The following MYO9A variants were observed in gnomAD, a reference collection of about 807,000 sequenced individuals.
MYO9A encodes the protein myosin IXA, also known as unconventional myosin-IXa.
MYO9A carries 103 observed loss-of-function variants against 293.3 expected under a neutral mutation model. That is an observed-to-expected ratio of 0.35 (90% confidence interval 0.30 to 0.41). MYO9A has a LOEUF of 0.41. Ranked by LOEUF, MYO9A falls within the 10% of genes least tolerant of loss-of-function variation. MYO9A has a pLI of 1.00. For synonymous variants in MYO9A, 1,001 were observed against 1,035.7 expected, an observed-to-expected ratio of 0.97 and a Z score of 0.64; for missense variants, 2,685 against 3,033.0, an observed-to-expected ratio of 0.89 and a Z score of 2.69.
chr15:72,091,441 G>A (rs913732607), intron 1 of MYO9A, among the ~76,000 whole-genome samples: 5 of 151,942 alleles, frequency 3.3e-5, no homozygotes, highest in African/African-American at 1.2e-4. Context: ...GGCTAAAACA[G>A]TAGAAATCCT....
At chr15:71,972,781 G>A (rs1281423478) in intron 12 of MYO9A, among the ~76,000 whole-genome samples, 2 of 152,148 alleles carry the variant, frequency 1.3e-5, no homozygotes, top group African/African-American at 4.8e-5. Flanking sequence ...GGTAGAAGAT[G>A]AGAAACCTTT....
chr15:72,014,837 T>C (rs921042073), intron 6 of MYO9A, among the ~76,000 whole-genome samples: 1 of 151,672 alleles, frequency 6.6e-6, no homozygotes, highest in African/African-American at 2.4e-5. Context: ...AAGAGGATGT[T>C]AAGTGCTTTT....
chr15:71,881,527 A>G (rs537269566), intron 28 of MYO9A, among the ~76,000 whole-genome samples: 22 of 152,204 alleles, frequency 1.4e-4, no homozygotes, highest in Non-Finnish European at 3.1e-4. Context: ...ATTCAAACAT[A>G]TATCAACTGA....
In MYO9A at chr15:71,888,096, T is replaced by G; in HGVS notation, c.5163A>C (p.Ser1721=). 2 of 1,606,110 alleles carry G rather than the reference T, an allele frequency of 1.2e-6. No individual in the cohort carries two copies. The highest frequency in any genetic ancestry group is 1.7e-6 in the Non-Finnish European group (2 of 1,175,112). The change falls in exon 27 of 42, where the codon TCA becomes TCC. Residue 1721 remains serine, a synonymous_variant. Coordinates refer to ENST00000356056, the MANE Select transcript of MYO9A (RefSeq NM_006901.4). The part of the protein sequence containing the change: ...GQRETSQRFS[S]VDEQAKLHKT... ...TATGAAGTTTTGCTTGTTCATCAAC[T>G]GACGAAAATCGCTGTGATGTCTGTA...
At chr15:71,925,622 A>C (rs1449812164) in intron 18 of MYO9A, among the ~76,000 whole-genome samples, 2 of 152,102 alleles carry the variant, frequency 1.3e-5, no homozygotes, top group Non-Finnish European at 2.9e-5. Flanking sequence ...ATAATGGACT[A>C]TTTTAAACAG....
intron 39 of MYO9A, among the ~76,000 whole-genome samples, chr15:71,832,731 G>C (rs774091263): frequency 3.9e-4 from 59 of 152,154 alleles, no homozygotes; most frequent in Non-Finnish European, 5.9e-4. Context: ...AAAAGTTAGA[G>C]GTGTGAGAAA....
intron 39 of MYO9A, among the ~76,000 whole-genome samples, chr15:71,839,874 G>A (rs895463436): frequency 6.6e-6 from 1 of 151,834 alleles, no homozygotes; most frequent in Non-Finnish European, 1.5e-5. Context: ...ATGAATTTTA[G>A]TATCAACTTG....
At chr15:71,965,687 C>T (rs1380588787) in intron 13 of MYO9A, among the ~76,000 whole-genome samples, 3 of 152,110 alleles carry the variant, frequency 2.0e-5, no homozygotes, top group Admixed American at 6.6e-5. Context: ...TGCAGTGAGT[C>T]GAGATCACAC....
At chr15:72,012,981 A>G (rs1485243777) in intron 6 of MYO9A, among the ~76,000 whole-genome samples, 1 of 152,230 alleles carries the variant, frequency 6.6e-6, no homozygotes, top group Non-Finnish European at 1.5e-5. Context: ...AATGTGTATT[A>G]ATTTCCTTCT....
At chr15:72,117,074 G>A (rs1325247882) in intron 1 of MYO9A, 2 of 152,292 alleles carry the variant, frequency 1.3e-5, no homozygotes, top group African/African-American at 4.8e-5. Flanking sequence ...TTTGCTTGAG[G>A]AGAGGTCTGT....
chr15:71,898,108 C>A lies in MYO9A; in HGVS notation c.4395G>T (p.Arg1465Ser), dbSNP rs1328263822. ...LTLDINRETR[R>S]YHCSGKDQIV... ...TCTGATCTTTTCCTGAGCAGTGATACCTTCTAGTTTCCCTGTTGATATCCA... is the reference window on the plus strand; with the variant it reads ...TCTGATCTTTTCCTGAGCAGTGATAACTTCTAGTTTCCCTGTTGATATCCA... The change falls in exon 25 of 42, where the codon AGG (arginine) becomes AGT (serine). Residue 1465 changes from arginine to serine, a missense_variant. Physicochemically the swap from Arg to Ser is moderately radical, Grantham distance 110. This residue lies in a region of MYO9A where 1,434 missense variants were observed against 1,497.7 expected (regional missense o/e 0.96). Transcript: ENST00000356056. 6.2e-7 allele frequency: 1 copy of A among 1,614,106 alleles called. No homozygotes were observed. Among genetic ancestry groups the A allele is most frequent in the Admixed American group, 1.7e-5 (1 of 60,002 alleles).
At chr15:72,103,117 G>C (rs1254637870) in intron 1 of MYO9A, among the ~76,000 whole-genome samples, 1 of 147,860 alleles carries the variant, frequency 6.8e-6, no homozygotes, top group East Asian at 2.1e-4. Flanking sequence ...AATCACTTGA[G>C]CCTGGCAGGC....
chr15:72,113,114 A>G (rs1358666563), intron 1 of MYO9A, among the ~76,000 whole-genome samples: 1 of 152,156 alleles, frequency 6.6e-6, no homozygotes. Context: ...TTGTTTTACT[A>G]AAAAGCACTG....
chr15:71,907,946 T>TA lies in MYO9A; in HGVS notation c.2686-2941dup, dbSNP rs561318010. On this transcript the variant is annotated intron_variant, in intron 19 of 41. Coordinates refer to ENST00000356056, the MANE Select transcript of MYO9A (RefSeq NM_006901.4). ...TCTGTTGTGCAGAAGCTCTTTAGTT[T>TA]AATTAGATCCCATTTGTCAATTTTG... 5.6e-3 allele frequency among the ~76,000 whole-genome samples: 856 copies of TA among 152,328 alleles called. 12 individuals are homozygous for TA. The highest frequency in any genetic ancestry group is 0.02 in the African/African-American group (811 of 41,578).
chr15:72,057,554 T>C (rs2078756465), intron 1 of MYO9A, among the ~76,000 whole-genome samples: 2 of 152,330 alleles, frequency 1.3e-5, no homozygotes, highest in South Asian at 4.1e-4. Flanking sequence ...AGACATTTGC[T>C]GTGACCCAGG....
At position 71,899,968 on chromosome 15, in the gene MYO9A, T is replaced by C. The variant is rs773687526; in HGVS notation, c.3189A>G (p.Arg1063=). 3 of 1,612,576 alleles carry C rather than the reference T, an allele frequency of 1.9e-6. No homozygotes were observed. The South Asian group carries it at 3.3e-5, about 18-fold the overall frequency. ...AAGCATCCTTCTGCACAGCTGCATC[T>C]CTGACTTGCTTCTGATTTAGGTAAT... is the stretch of plus-strand genomic sequence containing the variant. The part of the protein sequence containing the change: ...WRNYLNQKQV[R]DAAVQKDAFV... The change falls in exon 24 of 42, where the codon AGA becomes AGG. Residue 1063 remains arginine (R), a synonymous_variant. Transcript: ENST00000356056.
intron 1 of MYO9A, among the ~76,000 whole-genome samples, chr15:72,069,390 AT>A (rs957821390): frequency 2.0e-5 from 3 of 152,136 alleles, no homozygotes; most frequent in African/African-American, 2.4e-5. Context: ...AGGGTAGAAT[AT>A]TTTTTTGTCT....
At chr15:72,007,794 T>C (rs2077058654) in intron 8 of MYO9A, 32 bp downstream of exon 8, 1 of 1,594,642 alleles carries the variant, frequency 6.3e-7, no homozygotes, top group African/African-American at 1.4e-5. Context: ...TTACAAAGAT[T>C]TGAAATGACA....
At chr15:72,043,475 G>C (rs1451838869) in intron 2 of MYO9A, among the ~76,000 whole-genome samples, 3 of 152,060 alleles carry the variant, frequency 2.0e-5, no homozygotes, top group Non-Finnish European at 4.4e-5. Context: ...AAAAAATTGT[G>C]ATATCCCATG....
Sources: gnomAD v4.1 joint callset for allele counts (sites outside exome capture counted in the v4.1 genomes callset) on GRCh38, gnomAD v4.1.1 for gene constraint, gnomAD v4.1.1 regional missense constraint, MANE v1.5 for transcripts, NCBI Gene and HGNC (gene_info 2026-07-23, HGNC 2026-07-21) for gene names.